The following LRRC4C variants were observed in gnomAD, a reference collection of about 807,000 sequenced individuals.
LRRC4C encodes leucine-rich repeat-containing protein 4C.
A neutral mutation model predicts 33.6 loss-of-function variants in LRRC4C; 5 were observed. The observed-to-expected ratio is 0.15, with a 90% CI of 0.08 to 0.31. The LOEUF (loss-of-function observed/expected upper bound fraction) is 0.31, where lower values mean the gene tolerates loss of function less well. Ranked by LOEUF, LRRC4C falls within the 10% of genes least tolerant of loss-of-function variation. LRRC4C has a pLI of 1.00. For missense variants in LRRC4C, 560 were observed against 796.7 expected (o/e 0.70, Z 3.58); for synonymous variants, 329 against 302.0 (o/e 1.09, Z -0.93).
intron 3 of LRRC4C, among the ~76,000 whole-genome samples, chr11:40,610,603 T>C (rs1372573588): frequency 6.6e-6 from 1 of 151,850 alleles, no homozygotes; most frequent in Non-Finnish European, 1.5e-5. Context: ...CACAAACACA[T>C]AATTTTATAT....
chr11:40,313,059 T>C (rs2136771568), intron 4 of LRRC4C, among the ~76,000 whole-genome samples: 1 of 152,294 alleles, frequency 6.6e-6, no homozygotes, highest in Admixed American at 6.5e-5. Flanking sequence ...ATGGCAAATA[T>C]ATTATTGCCT....
chr11:40,873,079 G>A (rs949059187), intron 2 of LRRC4C, among the ~76,000 whole-genome samples: 2 of 152,168 alleles, frequency 1.3e-5, no homozygotes, highest in South Asian at 2.1e-4. Context: ...TGAGAGGTTA[G>A]CAGCCTGGTG....
At chr11:40,344,705 A>C (rs1174230685) in intron 3 of LRRC4C, among the ~76,000 whole-genome samples, 1 of 147,854 alleles carries the variant, frequency 6.8e-6, no homozygotes, top group South Asian at 2.1e-4. Context: ...GAAGAGAGAA[A>C]GTCAAACTAC....
intron 1 of LRRC4C, among the ~76,000 whole-genome samples, chr11:41,145,427 C>T (rs1169707729): frequency 1.5e-5 from 2 of 133,452 alleles, no homozygotes; most frequent in Non-Finnish European, 3.5e-5. Flanking sequence ...TGGCAAACTA[C>T]ACGCTATGGT....
intron 1 of LRRC4C, among the ~76,000 whole-genome samples, chr11:41,108,555 T>G (rs2135681410): frequency 6.6e-6 from 1 of 152,242 alleles, no homozygotes; most frequent in Admixed American, 6.5e-5. Flanking sequence ...AAGGCCCAGA[T>G]CGCAAATTCA....
chr11:40,831,263 G>T (rs917995751), intron 2 of LRRC4C, among the ~76,000 whole-genome samples: 2 of 152,126 alleles, frequency 1.3e-5, no homozygotes, highest in East Asian at 3.9e-4. Flanking sequence ...ATGCATAAAA[G>T]GTGAAGAAAC....
intron 3 of LRRC4C, among the ~76,000 whole-genome samples, chr11:40,378,924 T>C (rs1017118364): frequency 2.0e-5 from 3 of 152,178 alleles, no homozygotes; most frequent in Non-Finnish European, 2.9e-5. Context: ...GTCTGTGTTT[T>C]CCATTGCTTT....
intron 1 of LRRC4C, among the ~76,000 whole-genome samples, chr11:41,028,848 A>C (rs574366443): frequency 6.6e-6 from 1 of 151,746 alleles, no homozygotes; most frequent in East Asian, 1.9e-4. Context: ...ATTTTCCTAT[A>C]AATTATTTTA....
intron 1 of LRRC4C, among the ~76,000 whole-genome samples, chr11:41,001,719 G>A (rs975121112): frequency 6.6e-6 from 1 of 152,076 alleles, no homozygotes. Context: ...AAAAGACCTC[G>A]TTTATTGATG....
intron 1 of LRRC4C, among the ~76,000 whole-genome samples, chr11:41,189,551 T>C (rs753403946): frequency 6.6e-6 from 1 of 152,082 alleles, no homozygotes; most frequent in Non-Finnish European, 1.5e-5. Context: ...CCACTCACAC[T>C]GAAAAATACT....
At chr11:41,226,692 C>T (rs952310687) in intron 1 of LRRC4C, among the ~76,000 whole-genome samples, 1 of 151,218 alleles carries the variant, frequency 6.6e-6, no homozygotes, top group Non-Finnish European at 1.5e-5. Context: ...TCACCTCTCC[C>T]CTTGCTACTG....
chr11:40,568,666 T>C (rs1463683859), intron 3 of LRRC4C, among the ~76,000 whole-genome samples: 2 of 152,104 alleles, frequency 1.3e-5, no homozygotes, highest in Non-Finnish European at 2.9e-5. Flanking sequence ...ACCCACTATG[T>C]AGCACACAGC....
In LRRC4C at chr11:41,173,765, G is replaced by T. The variant is rs139161546; in HGVS notation, c.-495-240042C>A. ...TGCCTGGAGACAGTTAGAAACTAAA[G>T]ATCTTTGTCCTATTTAATCTCTCTA... On this transcript the variant is annotated intron_variant, in intron 1 of 6. Transcript: ENST00000528697. Among the ~76,000 whole-genome samples, 1,275 of 152,128 alleles carry T rather than the reference G, an allele frequency of 8.4e-3. 17 individuals carry two copies. The highest frequency in any genetic ancestry group is 0.044 in the Middle Eastern group (13 of 294).
intron 1 of LRRC4C, among the ~76,000 whole-genome samples, chr11:41,155,455 A>C (rs1382973246): frequency 6.6e-6 from 1 of 152,150 alleles, no homozygotes; most frequent in Non-Finnish European, 1.5e-5. Flanking sequence ...AAGGAGGCTG[A>C]TGAAGATTTA....
chr11:40,484,227 C>T (rs1173424476), intron 3 of LRRC4C, among the ~76,000 whole-genome samples: 1 of 151,914 alleles, frequency 6.6e-6, no homozygotes, highest in African/African-American at 2.4e-5. Context: ...CTGAAGATAC[C>T]CCTCTACAAA....
chr11:41,120,452 T>C (rs1245224770), intron 1 of LRRC4C, among the ~76,000 whole-genome samples: 1 of 152,156 alleles, frequency 6.6e-6, no homozygotes, highest in Non-Finnish European at 1.5e-5. Context: ...ATGGATTTCA[T>C]TGCTCCCTAT....
chr11:41,313,171 TAAG>T (rs1391314322), intron 1 of LRRC4C, among the ~76,000 whole-genome samples: 1 of 152,192 alleles, frequency 6.6e-6, no homozygotes, highest in Non-Finnish European at 1.5e-5. Flanking sequence ...TTGGTTAAAT[TAAG>T]AAGTTCTGTC....
intron 3 of LRRC4C, among the ~76,000 whole-genome samples, chr11:40,428,263 T>C (rs1950790091): frequency 1.3e-5 from 2 of 152,102 alleles, no homozygotes; most frequent in South Asian, 4.1e-4. Context: ...TACACAGGAC[T>C]TTTTTTTGAT....
In LRRC4C at chr11:41,167,355, A is replaced by G. The variant is rs74635096; in HGVS notation, c.-495-233632T>C. Among the ~76,000 whole-genome samples, 684 of 152,292 alleles carry G rather than the reference A, an allele frequency of 4.5e-3. 4 individuals are homozygous for G. Among genetic ancestry groups the G allele is most frequent in the African/African-American group, 0.016 (647 of 41,558 alleles). On this transcript the variant is annotated intron_variant, in intron 1 of 6. Transcript: ENST00000528697. ...ACAGTGCTTTCCCTCTTGGACAATG[A>G]CCGTGATGATGCACCTGAACATCCC...
Sources: allele counts gnomAD v4.1 joint callset (sites outside exome capture counted in the v4.1 genomes callset), GRCh38; gene constraint gnomAD v4.1.1; transcripts MANE v1.5; gene names NCBI Gene and HGNC (gene_info 2026-07-23, HGNC 2026-07-21).